The following ANKFN1 variants were observed in gnomAD, a reference collection of about 807,000 sequenced individuals.
The protein encoded by ANKFN1 is ankyrin repeat and fibronectin type-III domain-containing protein 1.
Under a neutral mutation model 108.7 loss-of-function variants are expected in ANKFN1, and 74 were observed. The observed-to-expected ratio is 0.68, with a 90% CI of 0.56 to 0.83. The LOEUF (loss-of-function observed/expected upper bound fraction) is 0.83. ANKFN1 is among the 40% of genes least tolerant of loss of function. The pLI is 0.00. For missense variants in ANKFN1, 1,505 were observed against 1,382.3 expected, an observed-to-expected ratio of 1.09 and a Z score of -1.41; for synonymous variants, 547 against 516.2, an observed-to-expected ratio of 1.06 and a Z score of -0.81.
chr17:56,230,700 G>T (rs573056203), intron 3 of ANKFN1, among the ~76,000 whole-genome samples: 2 of 152,062 alleles, frequency 1.3e-5, no homozygotes, highest in Non-Finnish European at 2.9e-5. Context: ...GGGTGGTATG[G>T]GTGAGAAAGT....
intron 4 of ANKFN1, among the ~76,000 whole-genome samples, chr17:56,124,577 C>T (rs1444030923): frequency 6.6e-6 from 1 of 152,252 alleles, no homozygotes; most frequent in Middle Eastern, 3.4e-3. Context: ...CACTCTAACC[C>T]TCTTGTTCAG....
intron 4 of ANKFN1, among the ~76,000 whole-genome samples, chr17:56,346,376 T>C (rs543767474): frequency 4.0e-4 from 61 of 152,234 alleles, no homozygotes; most frequent in African/African-American, 1.3e-3. Context: ...ATACGGGCTC[T>C]TTTTTGGTTC....
At chr17:56,216,470 T>C (rs1915433311) in intron 2 of ANKFN1, among the ~76,000 whole-genome samples, 1 of 152,220 alleles carries the variant, frequency 6.6e-6, no homozygotes, top group African/African-American at 2.4e-5. Context: ...AGAAAAGATT[T>C]GAATATAAAT....
chr17:56,237,081 G>C (rs78350115), intron 3 of ANKFN1, among the ~76,000 whole-genome samples: 2 of 151,982 alleles, frequency 1.3e-5, no homozygotes, highest in Non-Finnish European at 2.9e-5. Flanking sequence ...TACATATGTC[G>C]AGCCAACCTT....
At chr17:56,116,338 C>G (rs374969686) in intron 4 of ANKFN1, among the ~76,000 whole-genome samples, 8 of 152,218 alleles carry the variant, frequency 5.3e-5, no homozygotes, top group Admixed American at 3.9e-4. Flanking sequence ...TTTTTACACT[C>G]AAAGGATTTA....
chr17:56,090,501 T>A (rs553993073), intron 4 of ANKFN1, among the ~76,000 whole-genome samples: 1 of 151,356 alleles, frequency 6.6e-6, no homozygotes, highest in South Asian at 2.1e-4. Context: ...GTGCTTAGGG[T>A]ATTCTCCTGC....
chr17:56,358,931 C>A (rs1162799274), intron 6 of ANKFN1, among the ~76,000 whole-genome samples: 3 of 152,148 alleles, frequency 2.0e-5, no homozygotes, highest in Non-Finnish European at 4.4e-5. Flanking sequence ...CACCCTCAAA[C>A]CAACAGCCTC....
chr17:56,470,986 G>T (rs1325349146), intron 15 of ANKFN1, among the ~76,000 whole-genome samples: 3 of 152,124 alleles, frequency 2.0e-5, no homozygotes, highest in Non-Finnish European at 4.4e-5. Context: ...AGCCTCACAT[G>T]CAAGCTTTTT....
At chr17:56,109,787 T>A (rs1397491865) in intron 4 of ANKFN1, among the ~76,000 whole-genome samples, 2 of 152,170 alleles carry the variant, frequency 1.3e-5, no homozygotes, top group Non-Finnish European at 2.9e-5. Flanking sequence ...TAAACAACCA[T>A]CTAAGGCTGC....
intron 15 of ANKFN1, among the ~76,000 whole-genome samples, chr17:56,467,791 G>GAAAGAAAA (rs11414270): frequency 7.3e-5 from 4 of 55,060 alleles, no homozygotes; most frequent in South Asian, 1.4e-3. Context: ...AAGAAAGAAA[G>GAAAGAAAA]AAGAAAGAAA....
chr17:56,310,064 G>A (rs929607561), intron 3 of ANKFN1, among the ~76,000 whole-genome samples: 1 of 152,164 alleles, frequency 6.6e-6, no homozygotes, highest in Admixed American at 6.5e-5. Flanking sequence ...GGTATCAGGA[G>A]CAGATGAAAT....
intron 14 of ANKFN1, among the ~76,000 whole-genome samples, chr17:56,459,115 T>TTGG (rs2049814750): frequency 6.6e-6 from 1 of 152,140 alleles, no homozygotes; most frequent in African/African-American, 2.4e-5. Flanking sequence ...TTTTTTTGGG[T>TTGG]TGGTGGTGGT....
At chr17:56,118,839 C>T (rs1328883512) in intron 4 of ANKFN1, among the ~76,000 whole-genome samples, 1 of 152,132 alleles carries the variant, frequency 6.6e-6, no homozygotes, top group Non-Finnish European at 1.5e-5. Context: ...GAGATTTGGT[C>T]TCTGTCCTTA....
intron 4 of ANKFN1, among the ~76,000 whole-genome samples, chr17:56,346,405 T>C (rs2046101116): frequency 6.6e-6 from 1 of 151,944 alleles, no homozygotes; most frequent in Non-Finnish European, 1.5e-5. Context: ...ATTTAAATTA[T>C]TTTTTTCTAA....
chr17:56,193,105 A>C (rs1313279174), intron 1 of ANKFN1, among the ~76,000 whole-genome samples: 4 of 92,316 alleles, frequency 4.3e-5, no homozygotes, highest in Non-Finnish European at 7.8e-5. Flanking sequence ...CTTTGTAGGG[A>C]CATGGATGAA....
intron 4 of ANKFN1, among the ~76,000 whole-genome samples, chr17:56,059,514 A>G (rs962417794): frequency 2.6e-5 from 4 of 152,096 alleles, no homozygotes; most frequent in African/African-American, 9.7e-5. Flanking sequence ...GCCTATGCCT[A>G]TGTCCTGAAT....
At chr17:56,129,257 C>T (rs948175235) in intron 4 of ANKFN1, among the ~76,000 whole-genome samples, 7 of 152,146 alleles carry the variant, frequency 4.6e-5, no homozygotes, top group African/African-American at 1.4e-4. Context: ...TCTCATCAAC[C>T]TCCCAGGATT....
intron 8 of ANKFN1, among the ~76,000 whole-genome samples, chr17:56,379,377 T>C (rs995959036): frequency 6.7e-6 from 1 of 148,642 alleles, no homozygotes; most frequent in East Asian, 2.0e-4. Flanking sequence ...CCAGCCTGGG[T>C]GACAGAGTGA....
chr17:56,203,473 C>T (rs1426071563), intron 1 of ANKFN1, among the ~76,000 whole-genome samples: 4 of 152,164 alleles, frequency 2.6e-5, no homozygotes, highest in East Asian at 3.8e-4. Flanking sequence ...CTTTGATCTC[C>T]GTGGCCAGTC....
Sources: allele counts gnomAD v4.1 joint callset (sites outside exome capture counted in the v4.1 genomes callset), GRCh38; gene constraint gnomAD v4.1.1; transcripts MANE v1.5; gene names NCBI Gene and HGNC (gene_info 2026-07-23, HGNC 2026-07-21).